Variants in ASAP2 observed in about 807,000 individuals in gnomAD.
ASAP2 encodes the protein arf-GAP with SH3 domain, ANK repeat and PH domain-containing protein 2.
In ASAP2, 45 loss-of-function variants were observed where a neutral mutation model predicts 131.4. The ratio of observed to expected loss-of-function variants is 0.34; its 90% CI spans 0.27 to 0.44. The LOEUF (loss-of-function observed/expected upper bound fraction) is 0.44, where lower values mean the gene tolerates loss of function less well. ASAP2 is among the 20% of genes least tolerant of loss of function. ASAP2 has a pLI of 1.00. For synonymous variants in ASAP2, 510 were observed against 503.0 expected, an observed-to-expected ratio of 1.01 and a Z score of -0.19; for missense variants, 1,011 against 1,297.0, an observed-to-expected ratio of 0.78 and a Z score of 3.39.
intron 23 of ASAP2, among the ~76,000 whole-genome samples, chr2:9,393,171 C>G (rs1435734906): frequency 6.6e-6 from 1 of 152,150 alleles, no homozygotes; most frequent in Non-Finnish European, 1.5e-5. Flanking sequence ...GCTGTTGGGT[C>G]TTTGAGTGGA....
chr2:9,272,020 G>A (rs571055134), intron 1 of ASAP2, among the ~76,000 whole-genome samples: 3 of 152,146 alleles, frequency 2.0e-5, no homozygotes, highest in Non-Finnish European at 4.4e-5. Flanking sequence ...CAGTAAACAC[G>A]GGAGAGCAGG....
chr2:9,247,197 G>A (rs777482493), intron 1 of ASAP2, among the ~76,000 whole-genome samples: 2 of 152,144 alleles, frequency 1.3e-5, no homozygotes, highest in Non-Finnish European at 2.9e-5. Flanking sequence ...CTGTCTGCTC[G>A]TGAGTTTTGA....
intron 6 of ASAP2, 24 bp from the exon 7 acceptor site, chr2:9,327,802 C>T (rs1425852461): frequency 1.9e-6 from 3 of 1,551,006 alleles, no homozygotes; most frequent in East Asian, 2.3e-5. Flanking sequence ...ACTTCCATGA[C>T]ATTTCCTTTT....
At chr2:9,250,894 C>T (rs1429081720) in intron 1 of ASAP2, among the ~76,000 whole-genome samples, 5 of 152,196 alleles carry the variant, frequency 3.3e-5, no homozygotes, top group Admixed American at 6.5e-5. Flanking sequence ...AGACAAGACT[C>T]GGGGCTTGCT....
chr2:9,324,563 C>T (rs1443097514), intron 6 of ASAP2, among the ~76,000 whole-genome samples: 1 of 152,176 alleles, frequency 6.6e-6, no homozygotes, highest in African/African-American at 2.4e-5. Flanking sequence ...GTGGGGGCCT[C>T]ACAAGAGACA....
chr2:9,337,772 A>G (rs906696544), intron 9 of ASAP2, among the ~76,000 whole-genome samples: 12 of 151,640 alleles, frequency 7.9e-5, no homozygotes, highest in African/African-American at 2.9e-4. Context: ...GTGACCTCAC[A>G]CCTCCCAATC....
chr2:9,259,979 C>T (rs1205654234), intron 1 of ASAP2, among the ~76,000 whole-genome samples: 1 of 152,178 alleles, frequency 6.6e-6, no homozygotes, highest in Non-Finnish European at 1.5e-5. Context: ...GCCCCCTCCC[C>T]TATCTGGGAA....
intron 1 of ASAP2, among the ~76,000 whole-genome samples, chr2:9,249,373 T>C (rs1282522766): frequency 6.6e-6 from 1 of 152,196 alleles, no homozygotes; most frequent in Non-Finnish European, 1.5e-5. Flanking sequence ...TCCCCATATA[T>C]GTTCATTTCT....
rs530562373 is a variant in ASAP2 at position 9,232,107 on chromosome 2, T to C, written c.126+24877T>C. 2.6e-5 allele frequency among the ~76,000 whole-genome samples: 4 copies of C among 152,378 alleles called. No individual in the cohort carries two copies. The South Asian group carries it at 8.3e-4, about 32-fold the overall frequency. ...GTGATTGTCTTAAAGATTTGCTCTTTAGCTTCTCAGCTGAAGACACGTTGG... is the reference window on the plus strand; with the variant it reads ...GTGATTGTCTTAAAGATTTGCTCTTCAGCTTCTCAGCTGAAGACACGTTGG... On this transcript the variant is annotated intron_variant, in intron 1 of 27. Transcript: ENST00000281419. The surrounding 1 kb of genome is among the most constrained non-coding windows in gnomAD (Gnocchi z 4.1).
chr2:9,294,239 T>C (rs1227799594), intron 2 of ASAP2, among the ~76,000 whole-genome samples: 2 of 152,236 alleles, frequency 1.3e-5, no homozygotes, highest in South Asian at 4.2e-4. Context: ...CCTCAGGTGA[T>C]GCACCTGTCT....
In ASAP2 at chr2:9,356,175, C is replaced by G. The variant is rs139881591; in HGVS notation, c.1161-4C>G. The stretch of plus-strand genomic sequence containing the variant: ...TTAACACAGCGTTGCTCTTGTTTTT[C>G]TAGATGGATGTCTGTGCTGCAAAAT... On this transcript the variant is annotated splice_polypyrimidine_tract_variant and splice_region_variant and intron_variant, in intron 13 of 27. Coordinates refer to ENST00000281419, the MANE Select transcript of ASAP2 (RefSeq NM_003887.3). The G allele has an allele frequency of 1.1e-4, 171 of 1,613,762 alleles. No individual in the cohort carries two copies. In the African/African-American group the frequency reaches 2.1e-3, roughly 19 times the overall value.
At chr2:9,299,380 AGC>A (rs1668347611) in intron 3 of ASAP2, among the ~76,000 whole-genome samples, 1 of 152,224 alleles carries the variant, frequency 6.6e-6, no homozygotes, top group African/African-American at 2.4e-5. Flanking sequence ...AAACTAACTC[AGC>A]CTGGAATGAT....
chr2:9,270,785 A>ATTTTTTCTTTTTTTTTTTTTTTT (rs1666300012), intron 1 of ASAP2, among the ~76,000 whole-genome samples: 2 of 52,924 alleles, frequency 3.8e-5, no homozygotes, highest in Non-Finnish European at 6.9e-5. Context: ...AATTGTTTTC[A>ATTTTTTCTTTTTTTTTTTTTTTT]TTTTTTTTTT....
At chr2:9,369,317 C>A (rs1328335698) in intron 16 of ASAP2, among the ~76,000 whole-genome samples, 1 of 152,160 alleles carries the variant, frequency 6.6e-6, no homozygotes, top group Non-Finnish European at 1.5e-5. Context: ...CCGTGCCTGG[C>A]CAGCGGAGAA....
At chr2:9,320,364 G>A (rs374743691) in intron 5 of ASAP2, 27 bp downstream of exon 5, 52 of 1,584,996 alleles carry the variant, frequency 3.3e-5, no homozygotes, top group African/African-American at 2.3e-4. Flanking sequence ...TTAAATTTAC[G>A]TATAGGTAAT....
At chr2:9,215,268 A>G (rs1661938119) in intron 1 of ASAP2, among the ~76,000 whole-genome samples, 1 of 152,190 alleles carries the variant, frequency 6.6e-6, no homozygotes. Context: ...TGTGTGGTTC[A>G]TTGTTGACTG....
At chr2:9,274,144 A>G (rs1390552029) in intron 1 of ASAP2, among the ~76,000 whole-genome samples, 1 of 152,088 alleles carries the variant, frequency 6.6e-6, no homozygotes, top group Non-Finnish European at 1.5e-5. Flanking sequence ...AGTTTTTATG[A>G]TGGCATCTTT....
chr2:9,219,679 T>TA (rs962232181), intron 1 of ASAP2, among the ~76,000 whole-genome samples: 6 of 151,950 alleles, frequency 3.9e-5, no homozygotes, highest in African/African-American at 9.7e-5. Context: ...GTTGCTTTTT[T>TA]AAAAAAAAAT....
chr2:9,398,355 T>G (rs180804116), intron 24 of ASAP2, among the ~76,000 whole-genome samples: 184 of 150,990 alleles, frequency 1.2e-3, no homozygotes, highest in African/African-American at 4.2e-3. Context: ...ACAAAAAATT[T>G]TGAAAGTTAG....
Sources: gnomAD v4.1 joint callset for allele counts (sites outside exome capture counted in the v4.1 genomes callset) on GRCh38, gnomAD v4.1.1 for gene constraint, Gnocchi (gnomAD v3.1) non-coding constraint, MANE v1.5 for transcripts, NCBI Gene and HGNC (gene_info 2026-07-23, HGNC 2026-07-21) for gene names.